The following CR1 variants were observed in gnomAD, a reference collection of about 807,000 sequenced individuals.
CR1 encodes the protein complement receptor type 1.
In CR1, 116 loss-of-function variants were observed where a neutral mutation model predicts 187.3. That is an observed-to-expected ratio of 0.62 (90% CI 0.53 to 0.72). CR1 has a LOEUF of 0.72. Ranked by LOEUF, CR1 falls within the 30% of genes least tolerant of loss-of-function variation. The probability of loss-of-function intolerance (pLI) is 0.00; values close to 1 mark genes in which losing one functional copy is unlikely to be tolerated. For missense variants in CR1, 1,731 were observed against 2,110.7 expected, an observed-to-expected ratio of 0.82 and a Z score of 3.52; for synonymous variants, 576 against 747.1, an observed-to-expected ratio of 0.77 and a Z score of 3.73.
At chr1:207,612,339 C>T (rs570114199) in intron 39 of CR1, among the ~76,000 whole-genome samples, 3 of 152,192 alleles carry the variant, frequency 2.0e-5, no homozygotes, top group African/African-American at 7.2e-5. Context: ...GGCAAAAGAA[C>T]ATAATTTTAT....
chr1:207,583,890 A>G (rs6687175), intron 32 of CR1, among the ~76,000 whole-genome samples: 33,263 of 152,124 alleles, frequency 0.22, 3,855 homozygotes, highest in South Asian at 0.44. Flanking sequence ...TTTATCTATA[A>G]TTCTTTTAAG....
rs200692346 is a variant in CR1, at chr1:207,614,418, G to A, written c.6590G>A (p.Gly2197Asp). The A allele has an allele frequency of 5.7e-4, 918 of 1,610,532 alleles. 2 individuals are homozygous for A. The highest frequency in any genetic ancestry group is 1.1e-3 in the Admixed American group (66 of 59,906). The change falls in exon 40 of 47, where the codon GGC becomes GAC. Residue 2197 changes from glycine (G) to aspartate (D), a missense_variant. This residue lies in a region of CR1 where 1,312 missense variants were observed against 1,379.6 expected (regional missense o/e 0.95). Coordinates refer to ENST00000367049, the MANE Select transcript of CR1 (RefSeq NM_000651.6). ...TTTTTCTTTAGGTTCCGATTAAAAG[G>A]CAGGTCTGCTAGTCATTGTGTCTTG... ...FVCDEGFRLK[G>D]RSASHCVLAG...
chr1:207,636,789 G>A (rs1662828194), intron 46 of CR1, among the ~76,000 whole-genome samples: 1 of 152,186 alleles, frequency 6.6e-6, no homozygotes, highest in Non-Finnish European at 1.5e-5. Flanking sequence ...CGGATGGCAA[G>A]GCCTCCCACG....
intron 40 of CR1, among the ~76,000 whole-genome samples, chr1:207,614,795 A>G (rs886881281): frequency 6.6e-6 from 1 of 152,096 alleles, no homozygotes; most frequent in African/African-American, 2.4e-5. Flanking sequence ...TTTCTTATCA[A>G]GGAGGAATCT....
chr1:207,506,618 T>C (rs1168980501), intron 2 of CR1, 96 bp from the exon 3 acceptor site: 1 of 976,514 alleles, frequency 1.0e-6, no homozygotes, highest in Non-Finnish European at 1.6e-6. Context: ...ACTGCGTGTG[T>C]TCCTCAGTAA....
Position 207,520,995 on chromosome 1 carries a change from A to G in CR1, c.488-2616A>G, listed in dbSNP as rs1170171975. Among the ~76,000 whole-genome samples, 18 of 32,670 alleles carry G rather than the reference A, an allele frequency of 5.5e-4. No individual in the cohort carries two copies. In the Admixed American group the frequency reaches 6.6e-3, roughly 12 times the overall value. 21.4% of individuals were successfully genotyped at this position (32,670 alleles called of 152,430 possible). A position where few individuals can be genotyped will look rare whatever the true frequency, so the allele number is the denominator to read the frequency against. On this transcript the variant is annotated intron_variant, in intron 4 of 46. Transcript: ENST00000367049. ...TTTTTTTTTTTTTTTTTTTTTTTTGACAGAATTTCACTCTTATCACCTGGG... is the reference window on the plus strand; with the variant it reads ...TTTTTTTTTTTTTTTTTTTTTTTTGGCAGAATTTCACTCTTATCACCTGGG...
intron 23 of CR1, among the ~76,000 whole-genome samples, chr1:207,565,496 G>C (rs1371911290): frequency 3.3e-5 from 5 of 150,092 alleles, no homozygotes; most frequent in Non-Finnish European, 7.4e-5. Context: ...TACATTAGAA[G>C]ACTGGGTTTC....
chr1:207,599,729 A>C (rs1273858733), intron 35 of CR1, among the ~76,000 whole-genome samples: 1 of 152,246 alleles, frequency 6.6e-6, no homozygotes, highest in East Asian at 1.9e-4. Flanking sequence ...AGAAAAGCAT[A>C]TAGAGTTTGT....
At chr1:207,498,586 A>G (rs1659161086) in intron 1 of CR1, among the ~76,000 whole-genome samples, 1 of 152,244 alleles carries the variant, frequency 6.6e-6, no homozygotes, top group African/African-American at 2.4e-5. Context: ...CTCAGTTAAA[A>G]CAATAAAGAT....
intron 35 of CR1, 133 bp downstream of exon 35, chr1:207,588,907 G>A: frequency 1.6e-6 from 1 of 623,140 alleles, no homozygotes; most frequent in South Asian, 2.2e-5. Context: ...TATAGATGGA[G>A]ATGATACGTT....
intron 35 of CR1, among the ~76,000 whole-genome samples, chr1:207,590,919 T>G (rs1354033771): frequency 1.3e-5 from 2 of 152,182 alleles, no homozygotes; most frequent in Non-Finnish European, 2.9e-5. Flanking sequence ...TAAATATATA[T>G]GCACCCAATA....
chr1:207,568,092 A>G, intron 25 of CR1, 50 bp downstream of exon 25: 2 of 1,610,720 alleles, frequency 1.2e-6, no homozygotes, highest in Non-Finnish European at 1.7e-6. Flanking sequence ...TATCTAACCC[A>G]GCCCCTCCAT....
intron 45 of CR1, among the ~76,000 whole-genome samples, chr1:207,627,020 A>G (rs1386939445): frequency 6.6e-6 from 1 of 152,218 alleles, no homozygotes; most frequent in Admixed American, 6.5e-5. Flanking sequence ...CCTGGGCAAC[A>G]AAGGCAAAAC....
intron 5 of CR1, among the ~76,000 whole-genome samples, 200 bp downstream of exon 5, chr1:207,524,209 AGGGATATGATGTTTCTTTG>A (rs1330983236): frequency 3.9e-5 from 6 of 152,168 alleles, no homozygotes; most frequent in African/African-American, 1.4e-4. Flanking sequence ...AACCTGGGCA[AGGGATATGATGTTTCTTTG>A]GGGTTCTTAT....
chr1:207,627,822 G>T (rs1172180579), intron 45 of CR1, among the ~76,000 whole-genome samples: 1 of 152,122 alleles, frequency 6.6e-6, no homozygotes, highest in Non-Finnish European at 1.5e-5. Context: ...CAAGGTCAAG[G>T]CAACTGCAAA....
chr1:207,611,471 G>A (rs1442484272), intron 37 of CR1, among the ~76,000 whole-genome samples: 1 of 152,118 alleles, frequency 6.6e-6, no homozygotes, highest in Non-Finnish European at 1.5e-5. Flanking sequence ...CACAGACAAG[G>A]TGTTGGAGAG....
chr1:207,600,620 A>T (rs1661576085), intron 35 of CR1: 1 of 152,194 alleles, frequency 6.6e-6, no homozygotes, highest in South Asian at 2.1e-4. Flanking sequence ...GCCATTGCAG[A>T]TTACCTGGAG....
At chr1:207,584,434 T>C (rs1056397590) in intron 32 of CR1, among the ~76,000 whole-genome samples, 1 of 152,192 alleles carries the variant, frequency 6.6e-6, no homozygotes, top group Non-Finnish European at 1.5e-5. Context: ...ATGCTTAATT[T>C]GGGAAAGGCT....
rs1288866789 is a variant in CR1, at chr1:207,497,997, G to A, written c.121+1609G>A. Among the ~76,000 whole-genome samples, 13 of 152,334 alleles carry A rather than the reference G, an allele frequency of 8.5e-5. No homozygotes were observed. The South Asian group carries it at 2.7e-3, about 32-fold the overall frequency. On this transcript the variant is annotated intron_variant, in intron 1 of 46. Transcript: ENST00000367049. ...TATGCATATAGAAGTAGGTGGTGGA[G>A]TTTTATGAAATCTACTTATTAGGAA...
Sources: allele counts gnomAD v4.1 joint callset (sites outside exome capture counted in the v4.1 genomes callset), GRCh38; gene constraint gnomAD v4.1.1; regional missense constraint gnomAD v4.1.1; transcripts MANE v1.5; gene names NCBI Gene and HGNC (gene_info 2026-07-23, HGNC 2026-07-21).